ARMC12: variants seen among roughly 807,000 people sequenced by gnomAD.
The protein encoded by ARMC12 is armadillo repeat containing 12, also known as armadillo repeat-containing protein 12.
In ARMC12, 25 loss-of-function variants were observed where a neutral mutation model predicts 37.4. That is an observed-to-expected ratio of 0.67 (90% CI 0.49 to 0.93). ARMC12 has a LOEUF of 0.93. ARMC12 is among the 40% of genes least tolerant of loss of function. The pLI is 0.00. For missense variants in ARMC12, 384 were observed against 426.6 expected, an observed-to-expected ratio of 0.90 and a Z score of 0.88; for synonymous variants, 167 against 176.1, an observed-to-expected ratio of 0.95 and a Z score of 0.41.
At chr6:35,738,285 G>GC (rs1767046932) in intron 2 of ARMC12, 99 bp from the exon 3 acceptor site, 36 of 1,136,052 alleles carry the variant, frequency 3.2e-5, no homozygotes, top group Admixed American at 1.0e-4. Flanking sequence ...GCTGATAGCG[G>GC]TGGGGGGGGG....
chr6:35,732,573 C>T (rs1394713598), upstream of ARMC12, among the ~76,000 whole-genome samples: 1 of 152,206 alleles, frequency 6.6e-6, no homozygotes, highest in Non-Finnish European at 1.5e-5. Flanking sequence ...CGCACAAGTG[C>T]TGGGCCGCTG....
chr6:35,745,067 A>G (rs184808433), intron 3 of ARMC12, among the ~76,000 whole-genome samples: 27 of 152,318 alleles, frequency 1.8e-4, no homozygotes, highest in African/African-American at 5.5e-4. Context: ...TAGTTTGGCA[A>G]TTTCTTTCAG....
At chr6:35,744,031 TA>T (rs1204720408) in intron 3 of ARMC12, among the ~76,000 whole-genome samples, 14 of 152,126 alleles carry the variant, frequency 9.2e-5, no homozygotes, top group Non-Finnish European at 2.1e-4. Flanking sequence ...GCATGATCTA[TA>T]AAAGGAAAAT....
chr6:35,747,652 GA>G lies in ARMC12; in HGVS notation c.690+8del, dbSNP rs562157745. 59 of 1,613,590 alleles carry G rather than the reference GA, an allele frequency of 3.7e-5. 2 individuals carry two copies. The East Asian group carries it at 4.9e-4, about 13-fold the overall frequency. On this transcript the variant is annotated splice_donor_region_variant and intron_variant, in intron 5 of 5. Transcript: ENST00000373866. Reference sequence around the variant, plus strand: ...TATGACATTCTCAACTGCCAGGTGAGAAAGAAATTGAAGAGGGGCTGATGAA... The same window carrying G: ...TATGACATTCTCAACTGCCAGGTGAGAAGAAATTGAAGAGGGGCTGATGAA...
At chr6:35,748,435 A>G (rs1767404300) in intron 5 of ARMC12, 103 bp from the exon 6 acceptor site, 1 of 975,564 alleles carries the variant, frequency 1.0e-6, no homozygotes, top group African/African-American at 1.7e-5. Context: ...CGAGTCTGAA[A>G]TTTAGGTATA....
rs769476456 is a variant in ARMC12 at position 35,737,203 on chromosome 6, A to C, written c.95A>C (p.Tyr32Ser). 1 of 1,614,264 alleles carries C rather than the reference A, an allele frequency of 6.2e-7. No individual in the cohort carries two copies. The highest frequency in any genetic ancestry group is 1.7e-5 in the Admixed American group (1 of 60,032). ...GGCGCCGGGGCGATCTACCTGCTCT[A>C]CAAGGCCATCAAGGCTGGCATAAAA... ...ATGAGAIYLL[Y>S]KAIKAGIKCK... is the part of the protein sequence containing the mutation. The change falls in exon 1 of 6, where the codon TAC becomes TCC. Residue 32 changes from tyrosine to serine, a missense_variant. Transcript: ENST00000373866.
Position 35,738,167 on chromosome 6 carries a change from G to A in ARMC12, c.304G>A (p.Ala102Thr), listed in dbSNP as rs1561919453. Residue 102 changes from alanine (A) to threonine (T), a missense_variant, in exon 2 of 6, where the codon GCT (alanine) becomes ACT (threonine). Transcript: ENST00000373866. ...SITRCVYLLE[A>T]EASACTTDDI... ...CACTCGCTGTGTGTACTTGCTGGAG[G>A]CTGAGGTAAGGGAAGCAGGAGGTCC... is the stretch of plus-strand genomic sequence containing the variant. 1.2e-6 allele frequency: 2 copies of A among 1,611,926 alleles called. No homozygotes were observed. The highest frequency in any genetic ancestry group is 1.3e-5 in the African/African-American group (1 of 74,986).
intron 3 of ARMC12, among the ~76,000 whole-genome samples, chr6:35,741,437 C>A (rs1203092521): frequency 6.8e-6 from 1 of 147,050 alleles, no homozygotes; most frequent in Non-Finnish European, 1.5e-5. Context: ...TTTTTTGAGA[C>A]AGAGTCTTGC....
At chr6:35,738,633 C>G in intron 3 of ARMC12, 115 bp downstream of exon 3, 1 of 1,401,512 alleles carries the variant, frequency 7.1e-7, no homozygotes. Flanking sequence ...GAATTTGTAA[C>G]CCAGAAATAA....
At chr6:35,732,739 G>A (rs1472557631), upstream of ARMC12, among the ~76,000 whole-genome samples, 1 of 152,186 alleles carries the variant, frequency 6.6e-6, no homozygotes, top group East Asian at 1.9e-4. Flanking sequence ...GTAGTTGGAT[G>A]GTTCTTAGGA....
intron 2 of ARMC12, 92 bp downstream of exon 2, chr6:35,738,264 A>T (rs1412971174): frequency 3.4e-6 from 3 of 871,254 alleles, no homozygotes; most frequent in East Asian, 7.1e-5. Context: ...ATATCCTGGG[A>T]CCTCTCTCTG....
In ARMC12 at chr6:35,738,294, G is replaced by T. The variant is rs1356096477; in HGVS notation, c.310-90G>T. 2.9e-5 allele frequency: 42 copies of T among 1,429,922 alleles called. 2 individuals carry two copies. The highest frequency in any genetic ancestry group is 2.5e-4 in the Middle Eastern group (1 of 4,020). The allele number at this position is 1,429,922 out of a possible 1,614,324, so 88.6% of individuals were successfully genotyped here. On this transcript the variant is annotated intron_variant, in intron 2 of 5. Transcript: ENST00000373866. ...TCTCTGGCTGATAGCGGTGGGGGGG[G>T]GGTGTGCGGAGGGATCTTGGTGACA...
At chr6:35,738,606 G>A (rs1012354386) in intron 3 of ARMC12, 88 bp downstream of exon 3, 74 of 1,518,730 alleles carry the variant, frequency 4.9e-5, no homozygotes, top group Non-Finnish European at 6.3e-5. Flanking sequence ...TCATGTTCCA[G>A]AAGTTTGTTT....
chr6:35,735,185 G>A (rs986371788), upstream of ARMC12: 5 of 152,244 alleles, frequency 3.3e-5, no homozygotes, highest in African/African-American at 1.2e-4. This position sits in a 1 kb window ranked among gnomAD's most constrained non-coding sequence, Gnocchi z 4.0. Flanking sequence ...TTGTCTTGAG[G>A]GATTTATTCT....
chr6:35,737,433 GC>G, intron 1 of ARMC12, 162 bp downstream of exon 1: 1 of 1,577,528 alleles, frequency 6.3e-7, no homozygotes, highest in Non-Finnish European at 8.6e-7. Context: ...CCTAGGCAAG[GC>G]CCTGCCAGAG....
chr6:35,748,399 G>A (rs977260200), intron 5 of ARMC12, 139 bp from the exon 6 acceptor site: 2 of 605,378 alleles, frequency 3.3e-6, no homozygotes, highest in Non-Finnish European at 4.9e-6. Context: ...AATAATAAAA[G>A]AAAAACTAAA....
In ARMC12 at chr6:35,748,617, G is replaced by C; in HGVS notation, c.770G>C (p.Arg257Pro). Residue 257 changes from arginine (R) to proline (P), a missense_variant, in exon 6 of 6, where the codon CGG becomes CCG. Physicochemically the swap from Arg to Pro is moderately radical, Grantham distance 103. Transcript: ENST00000373866. ...TATGAGGTACTGGTGTTTGCTGAGC[G>C]GCTGAGTGAGGGCCGGAACGCACCC... ...LLYEVLVFAERLSEGRNAPHY... is the reference protein window; with the variant it reads ...LLYEVLVFAEPLSEGRNAPHY... 1 of 1,606,644 alleles carries C rather than the reference G, an allele frequency of 6.2e-7. No individual in the cohort carries two copies.
intron 3 of ARMC12, among the ~76,000 whole-genome samples, chr6:35,743,930 A>G (rs1490608625): frequency 6.7e-6 from 1 of 150,356 alleles, no homozygotes; most frequent in Non-Finnish European, 1.5e-5. Flanking sequence ...GTTTGATGGG[A>G]GTGAGACTCC....
At chr6:35,734,241 C>T (rs1581915380), upstream of ARMC12, among the ~76,000 whole-genome samples, 2 of 152,178 alleles carry the variant, frequency 1.3e-5, no homozygotes, top group East Asian at 1.9e-4. Flanking sequence ...CTCACTGCAA[C>T]CTCTGCCTCC....
Sources: gnomAD v4.1 joint callset for allele counts (sites outside exome capture counted in the v4.1 genomes callset) on GRCh38, gnomAD v4.1.1 for gene constraint, Gnocchi (gnomAD v3.1) non-coding constraint, MANE v1.5 for transcripts, NCBI Gene and HGNC (gene_info 2026-07-23, HGNC 2026-07-21) for gene names.